CNTNAP5: variants seen among roughly 807,000 people sequenced by gnomAD.
CNTNAP5 encodes contactin associated protein family member 5, also known as contactin-associated protein-like 5.
Under a neutral mutation model 150.2 loss-of-function variants are expected in CNTNAP5, and 72 were observed. The observed-to-expected ratio is 0.48, with a 90% CI of 0.40 to 0.58. The LOEUF (loss-of-function observed/expected upper bound fraction) is 0.58. Ranked by LOEUF, CNTNAP5 falls within the 20% of genes least tolerant of loss-of-function variation. The pLI, the probability that CNTNAP5 is intolerant of heterozygous loss-of-function variation, is 0.00. For missense variants in CNTNAP5, 1,636 were observed against 1,626.2 expected (o/e 1.01, Z -0.10); for synonymous variants, 672 against 619.8 (o/e 1.08, Z -1.25).
At chr2:124,853,289 G>T (rs1401162764) in intron 19 of CNTNAP5, among the ~76,000 whole-genome samples, 2 of 152,126 alleles carry the variant, frequency 1.3e-5, no homozygotes, top group African/African-American at 4.8e-5. Flanking sequence ...ATATCACTTT[G>T]TGTCACACAT....
intron 13 of CNTNAP5, among the ~76,000 whole-genome samples, chr2:124,689,127 C>T (rs1679250934): frequency 6.6e-6 from 1 of 152,068 alleles, no homozygotes; most frequent in Admixed American, 6.6e-5. Flanking sequence ...CTTTGCATGC[C>T]ACCACGCCCA....
chr2:124,591,525 A>G (rs1045318732), intron 11 of CNTNAP5, among the ~76,000 whole-genome samples: 1 of 152,182 alleles, frequency 6.6e-6, no homozygotes, highest in Non-Finnish European at 1.5e-5. Context: ...TACCTAACTC[A>G]GACTGATGAT....
intron 1 of CNTNAP5, among the ~76,000 whole-genome samples, chr2:124,109,887 A>C (rs1195938810): frequency 1.3e-5 from 2 of 152,204 alleles, no homozygotes; most frequent in Non-Finnish European, 2.9e-5. Flanking sequence ...TTTATCTTAC[A>C]TTGAGCTCCT....
intron 2 of CNTNAP5, among the ~76,000 whole-genome samples, chr2:124,226,781 G>T (rs985851759): frequency 4.6e-5 from 7 of 151,980 alleles, no homozygotes; most frequent in Admixed American, 1.3e-4. Context: ...GATTTGGTCA[G>T]GGTCCTCTTG....
At chr2:124,162,468 A>C (rs548086908) in intron 1 of CNTNAP5, among the ~76,000 whole-genome samples, 11 of 152,342 alleles carry the variant, frequency 7.2e-5, no homozygotes, top group Admixed American at 2.0e-4. Context: ...ACCCACACAA[A>C]GTCCAATGTA....
chr2:124,386,273 G>C (rs1204809604), intron 3 of CNTNAP5, among the ~76,000 whole-genome samples: 1 of 152,132 alleles, frequency 6.6e-6, no homozygotes, highest in Admixed American at 6.5e-5. Context: ...TACTATTCAT[G>C]CCCTTAAGAA....
At chr2:124,085,265 T>C (rs1191494061) in intron 1 of CNTNAP5, among the ~76,000 whole-genome samples, 1 of 152,100 alleles carries the variant, frequency 6.6e-6, no homozygotes, top group East Asian at 1.9e-4. Context: ...AATGATATAT[T>C]TCATGTTTGG....
chr2:124,554,260 C>G (rs546731862), intron 10 of CNTNAP5, among the ~76,000 whole-genome samples: 30 of 152,056 alleles, frequency 2.0e-4, no homozygotes, highest in African/African-American at 7.0e-4. Context: ...TATTAACTTT[C>G]CAAGTTCATT....
At chr2:124,764,480 G>A (rs1681026702) in intron 16 of CNTNAP5, among the ~76,000 whole-genome samples, 1 of 152,162 alleles carries the variant, frequency 6.6e-6, no homozygotes, top group Non-Finnish European at 1.5e-5. Context: ...AAGCTGAAAA[G>A]AGGATTATTA....
intron 1 of CNTNAP5, among the ~76,000 whole-genome samples, chr2:124,057,942 C>T (rs1014511244): frequency 2.6e-5 from 4 of 151,816 alleles, no homozygotes; most frequent in Admixed American, 6.6e-5. Context: ...TCATATAACC[C>T]GTAAATATAT....
chr2:124,767,242 A>G (rs896651209), intron 16 of CNTNAP5, among the ~76,000 whole-genome samples: 5 of 152,146 alleles, frequency 3.3e-5, no homozygotes, highest in African/African-American at 9.7e-5. Flanking sequence ...TCCAAGGTTG[A>G]TATATCCGAA....
chr2:124,794,004 C>T (rs1204260345), intron 18 of CNTNAP5, among the ~76,000 whole-genome samples: 2 of 152,022 alleles, frequency 1.3e-5, no homozygotes, highest in African/African-American at 2.4e-5. Context: ...TTTTTTATCC[C>T]CTTGCACTTA....
chr2:124,803,395 C>CTA (rs1682012983), intron 19 of CNTNAP5, among the ~76,000 whole-genome samples: 1 of 152,154 alleles, frequency 6.6e-6, no homozygotes, highest in East Asian at 1.9e-4. Context: ...CAGTTGAAAT[C>CTA]TATATATGTG....
chr2:124,237,815 C>T (rs533858284), intron 2 of CNTNAP5, among the ~76,000 whole-genome samples: 7 of 152,140 alleles, frequency 4.6e-5, no homozygotes, highest in Admixed American at 1.3e-4. Context: ...CCAGCCTGGG[C>T]GACAGAGCAA....
At chr2:124,257,323 G>A (rs1368680299) in intron 3 of CNTNAP5, among the ~76,000 whole-genome samples, 1 of 152,190 alleles carries the variant, frequency 6.6e-6, no homozygotes, top group Non-Finnish European at 1.5e-5. Context: ...CTCTGCTAGG[G>A]TGTGGCCACC....
chr2:124,126,558 A>G (rs1430763967), intron 1 of CNTNAP5, among the ~76,000 whole-genome samples: 1 of 152,190 alleles, frequency 6.6e-6, no homozygotes. Context: ...AACTCATTTT[A>G]TGAGGCCAGC....
intron 3 of CNTNAP5, among the ~76,000 whole-genome samples, chr2:124,403,760 A>G (rs1431156022): frequency 1.3e-5 from 2 of 152,150 alleles, no homozygotes; most frequent in Non-Finnish European, 2.9e-5. Context: ...CATACCCGAG[A>G]CTGGGTAATT....
At chr2:124,421,041 A>G (rs1692091753) in intron 4 of CNTNAP5, among the ~76,000 whole-genome samples, 1 of 152,094 alleles carries the variant, frequency 6.6e-6, no homozygotes, top group Admixed American at 6.6e-5. Flanking sequence ...TATTTTTAAA[A>G]CCTCGTTTTT....
intron 3 of CNTNAP5, among the ~76,000 whole-genome samples, chr2:124,248,738 A>G (rs1347622941): frequency 1.3e-5 from 2 of 152,200 alleles, no homozygotes; most frequent in African/African-American, 2.4e-5. Flanking sequence ...CACATGTGGC[A>G]TTTAAACACA....
Sources: gnomAD v4.1 joint callset for allele counts (sites outside exome capture counted in the v4.1 genomes callset) on GRCh38, gnomAD v4.1.1 for gene constraint, MANE v1.5 for transcripts, NCBI Gene and HGNC (gene_info 2026-07-23, HGNC 2026-07-21) for gene names.